NSUN3: variants seen among roughly 807,000 people sequenced by gnomAD.
The protein encoded by NSUN3 is tRNA (cytosine(34)-C(5))-methyltransferase, mitochondrial.
NSUN3 carries 24 observed loss-of-function variants against 36.8 expected under a neutral mutation model. The observed-to-expected ratio is 0.65, with a 90% CI of 0.47 to 0.92. The LOEUF (loss-of-function observed/expected upper bound fraction) is 0.92, where lower values mean the gene tolerates loss of function less well. NSUN3 is among the 40% of genes least tolerant of loss of function. The pLI is 0.00. For missense variants in NSUN3, 381 were observed against 392.8 expected (o/e 0.97, Z 0.25); for synonymous variants, 146 against 145.2 (o/e 1.01, Z -0.04).
chr3:94,087,773 T>C (rs562564104), intron 3 of NSUN3, among the ~76,000 whole-genome samples: 10 of 152,166 alleles, frequency 6.6e-5, no homozygotes, highest in Non-Finnish European at 1.0e-4. Context: ...TGGGTTCAAG[T>C]CATCCTCCCT....
Position 94,129,742 on chromosome 3 carries a change from C to CTTTTTTTTTTTTTT in NSUN3, c.*3264_*3277dup, listed in dbSNP as rs754390863. Among the ~76,000 whole-genome samples, 1 of 89,926 alleles carries CTTTTTTTTTTTTTT rather than the reference C, an allele frequency of 1.1e-5. No individual in the cohort carries two copies. The highest frequency in any genetic ancestry group is 2.1e-5 in the Non-Finnish European group (1 of 47,806). 59.0% of individuals were successfully genotyped at this position (89,926 alleles called of 152,430 possible). ...TCTATAAATTGTTTATATATGTTGT[C>CTTTTTTTTTTTTTT]TTTTTTTTTTTTTTTTTTTTTTTTT... On this transcript the variant is annotated 3_prime_UTR_variant, in exon 6 of 6. Transcript: ENST00000314622.
At chr3:94,092,677 G>A (rs1284971378) in intron 3 of NSUN3, among the ~76,000 whole-genome samples, 1 of 152,036 alleles carries the variant, frequency 6.6e-6, no homozygotes, top group Admixed American at 6.6e-5. Context: ...ACCGAGGTAG[G>A]TAGGTCACCT....
chr3:94,109,539 G>C (rs1051560022), intron 5 of NSUN3, among the ~76,000 whole-genome samples: 1 of 152,344 alleles, frequency 6.6e-6, no homozygotes, highest in African/African-American at 2.4e-5. Context: ...GTTAGCACGT[G>C]AGGTTAGCGG....
intron 5 of NSUN3, among the ~76,000 whole-genome samples, chr3:94,109,798 C>T (rs2107266423): frequency 6.6e-6 from 1 of 152,282 alleles, no homozygotes; most frequent in East Asian, 1.9e-4. Flanking sequence ...TATGTGTACA[C>T]TAAGCTCAAG....
intron 5 of NSUN3, among the ~76,000 whole-genome samples, chr3:94,121,438 A>G (rs923743291): frequency 6.6e-6 from 1 of 152,184 alleles, no homozygotes; most frequent in Non-Finnish European, 1.5e-5. Context: ...ATTTAGTCAC[A>G]TCTGCACATA....
At chr3:94,087,726 A>C (rs760854430) in intron 3 of NSUN3, among the ~76,000 whole-genome samples, 3 of 152,172 alleles carry the variant, frequency 2.0e-5, no homozygotes, top group Non-Finnish European at 4.4e-5. Flanking sequence ...GCTGGAGTGC[A>C]GTGGTGCGAT....
At chr3:94,110,739 C>T (rs1404614477) in intron 5 of NSUN3, among the ~76,000 whole-genome samples, 2 of 149,400 alleles carry the variant, frequency 1.3e-5, no homozygotes, top group East Asian at 4.0e-4. Context: ...CATGTATACA[C>T]ACACACACAC....
intron 5 of NSUN3, among the ~76,000 whole-genome samples, chr3:94,122,472 T>A (rs980625117): frequency 1.3e-5 from 2 of 152,122 alleles, no homozygotes; most frequent in African/African-American, 4.8e-5. Context: ...TACTGCCCTA[T>A]CCCAAGGATT....
chr3:94,078,441 T>C (rs2077255190), intron 2 of NSUN3, among the ~76,000 whole-genome samples: 1 of 152,244 alleles, frequency 6.6e-6, no homozygotes, highest in African/African-American at 2.4e-5. Flanking sequence ...GTTCTGTAGA[T>C]GTCTATTAGG....
Position 94,124,494 on chromosome 3 carries a change from T to C in NSUN3, c.744-1717T>C, listed in dbSNP as rs552510646. ...ATGAAGGCATCAGCAAGATTTGTTT[T>C]GTCTGAGGTCCTTCTTCATGGCTGG... On this transcript the variant is annotated intron_variant, in intron 5 of 5. Transcript: ENST00000314622. Among the ~76,000 whole-genome samples, 5 of 152,326 alleles carry C rather than the reference T, an allele frequency of 3.3e-5. 1 individual carries two copies. The South Asian group carries it at 8.3e-4, about 25-fold the overall frequency.
Position 94,097,470 on chromosome 3 carries a change from A to T in NSUN3, c.743+2316A>T, listed in dbSNP as rs573072138. On this transcript the variant is annotated intron_variant, in intron 5 of 5. Coordinates refer to ENST00000314622, the MANE Select transcript of NSUN3 (RefSeq NM_022072.5). ...AGAGGATCTATTGTATTCCTTTTTA[A>T]TCCTTTAATCCTCTATTTCTGGATA... Among the ~76,000 whole-genome samples the T allele has an allele frequency of 3.1e-4, 47 of 151,774 alleles. 1 individual carries two copies. The South Asian group carries it at 9.2e-3, about 30-fold the overall frequency.
chr3:94,087,699 C>T (rs2077297390), intron 3 of NSUN3, among the ~76,000 whole-genome samples: 1 of 152,186 alleles, frequency 6.6e-6, no homozygotes, highest in Non-Finnish European at 1.5e-5. Flanking sequence ...GAGACAAGGT[C>T]TTGCTCTGTT....
chr3:94,114,409 C>A (rs905386223), intron 5 of NSUN3, among the ~76,000 whole-genome samples: 2 of 152,156 alleles, frequency 1.3e-5, no homozygotes, highest in Non-Finnish European at 2.9e-5. Context: ...CATCTCACCT[C>A]ATAAGGTTTT....
In NSUN3 at chr3:94,084,245, A is replaced by G; in HGVS notation, c.261A>G (p.Lys87=). ...LSQGSLPNYP[K]SVKCYLSRTP... is the part of the protein sequence containing the mutation. ...AGGGATCTTTACCCAACTATCCTAAATCAGTGAAGTGTTACCTTAGCAGAA... is the reference window on the plus strand; with the variant it reads ...AGGGATCTTTACCCAACTATCCTAAGTCAGTGAAGTGTTACCTTAGCAGAA... Residue 87 remains lysine (K), a synonymous_variant, in exon 3 of 6, where the codon AAA becomes AAG. Coordinates refer to ENST00000314622, the MANE Select transcript of NSUN3 (RefSeq NM_022072.5). 6.2e-7 allele frequency: 1 copy of G among 1,614,116 alleles called. No homozygotes were observed. Among genetic ancestry groups the G allele is most frequent in the Non-Finnish European group, 8.5e-7 (1 of 1,180,020 alleles).
intron 5 of NSUN3, among the ~76,000 whole-genome samples, chr3:94,103,530 A>G (rs943231309): frequency 3.0e-4 from 45 of 151,642 alleles, no homozygotes; most frequent in African/African-American, 1.1e-3. Context: ...TGGCTGCTAT[A>G]GTATGTAGAG....
At chr3:94,073,353 T>G (rs780899430) in intron 2 of NSUN3, among the ~76,000 whole-genome samples, 1 of 152,156 alleles carries the variant, frequency 6.6e-6, no homozygotes, top group Non-Finnish European at 1.5e-5. Context: ...GTATTTCTAG[T>G]TCTAGATCCT....
intron 5 of NSUN3, among the ~76,000 whole-genome samples, chr3:94,097,258 A>T (rs931226456): frequency 1.3e-5 from 2 of 152,188 alleles, no homozygotes; most frequent in African/African-American, 4.8e-5. Flanking sequence ...CCAACCAAAT[A>T]TCAGCTTTCT....
chr3:94,088,209 T>G (rs1279320375), intron 3 of NSUN3, among the ~76,000 whole-genome samples: 1 of 152,244 alleles, frequency 6.6e-6, no homozygotes, highest in African/African-American at 2.4e-5. Flanking sequence ...TTTGTGGGAA[T>G]GAAAATAATA....
At chr3:94,119,592 G>A (rs188605389) in intron 5 of NSUN3, among the ~76,000 whole-genome samples, 157 of 152,166 alleles carry the variant, frequency 1.0e-3, no homozygotes, top group Non-Finnish European at 1.9e-3. Context: ...GACTGGTACT[G>A]GTCTGTAGGC....
Sources: gnomAD v4.1 joint callset for allele counts (sites outside exome capture counted in the v4.1 genomes callset) on GRCh38, gnomAD v4.1.1 for gene constraint, MANE v1.5 for transcripts, NCBI Gene and HGNC (gene_info 2026-07-23, HGNC 2026-07-21) for gene names.